The following INO80C variants were observed in gnomAD, a reference collection of about 807,000 sequenced individuals.
INO80C encodes INO80 complex subunit C, also known as IES6 homolog.
A neutral mutation model predicts 17.7 loss-of-function variants in INO80C; 17 were observed. That is an observed-to-expected ratio of 0.96 (90% CI 0.66 to 1.44). INO80C has a LOEUF of 1.44. Among genes scored for constraint, INO80C ranks in the 40% most tolerant of loss-of-function variants. INO80C has a pLI of 0.00. For synonymous variants in INO80C, 96 were observed against 95.8 expected (o/e 1.00, Z -0.01); for missense variants, 244 against 245.0 (o/e 1.00, Z 0.03).
intron 1 of INO80C, among the ~76,000 whole-genome samples, chr18:35,486,121 GA>G (rs2045871580): frequency 6.6e-6 from 1 of 152,052 alleles, no homozygotes; most frequent in Non-Finnish European, 1.5e-5. Flanking sequence ...GTCTCTAAAA[GA>G]AATAAAAAAT....
intron 1 of INO80C, chr18:35,489,317 AT>A: frequency 3.7e-6 from 1 of 270,906 alleles, no homozygotes; most frequent in South Asian, 3.5e-5. Context: ...AGAAAAAGAG[AT>A]TTAATGGACT....
chr18:35,491,242 T>C (rs2144085132), intron 1 of INO80C, among the ~76,000 whole-genome samples: 1 of 152,270 alleles, frequency 6.6e-6, no homozygotes, highest in East Asian at 1.9e-4. Context: ...CTCGTTAGAT[T>C]CAGGCAGACA....
chr18:35,497,833 G>C lies in INO80C; in HGVS notation c.42C>G (p.Pro14=). 1 of 1,602,676 alleles carries C rather than the reference G, an allele frequency of 6.2e-7. No individual in the cohort carries two copies. Among genetic ancestry groups the C allele is most frequent in the Non-Finnish European group, 8.5e-7 (1 of 1,173,516 alleles). The part of the protein sequence containing the change: ...QIPIVATTST[P]GIVRNSKKRP... Reference sequence around the variant, plus strand: ...TCTTCTTGCTGTTCCGGACTATTCCGGGAGTGGAAGTGGTGGCCACAATTG... The same window carrying C: ...TCTTCTTGCTGTTCCGGACTATTCCCGGAGTGGAAGTGGTGGCCACAATTG... The change falls in exon 1 of 5, where the codon CCC becomes CCG. Residue 14 remains proline (P), a synonymous_variant. Transcript: ENST00000334598.
chr18:35,481,776 C>T (rs1189216791), intron 1 of INO80C, among the ~76,000 whole-genome samples: 1 of 152,058 alleles, frequency 6.6e-6, no homozygotes, highest in Non-Finnish European at 1.5e-5. Context: ...CCCAGCTACT[C>T]GGGAGGCTGA....
intron 4 of INO80C, among the ~76,000 whole-genome samples, chr18:35,471,232 A>G (rs556048735): frequency 1.4e-4 from 21 of 152,366 alleles, no homozygotes; most frequent in African/African-American, 4.8e-4. Context: ...AGATAAGACT[A>G]AAGTCCTCAT....
At chr18:35,470,308 A>G (rs1032922793) in intron 4 of INO80C, among the ~76,000 whole-genome samples, 1 of 152,174 alleles carries the variant, frequency 6.6e-6, no homozygotes, top group Non-Finnish European at 1.5e-5. Flanking sequence ...GTGTGTTAGG[A>G]AATGGGATTA....
At chr18:35,472,810 C>G (rs1381212864) in intron 4 of INO80C, among the ~76,000 whole-genome samples, 17 of 152,190 alleles carry the variant, frequency 1.1e-4, no homozygotes, top group Admixed American at 1.1e-3. Context: ...AGTCTTTCTC[C>G]TAATTACTAG....
intron 4 of INO80C, among the ~76,000 whole-genome samples, chr18:35,475,137 C>T (rs2045720101): frequency 6.8e-6 from 1 of 146,472 alleles, no homozygotes; most frequent in African/African-American, 2.5e-5. Flanking sequence ...ATTCAATACC[C>T]AGTCATATTC....
chr18:35,468,505 G>A lies in INO80C; in HGVS notation c.*106C>T. 2.5e-6 allele frequency: 4 copies of A among 1,574,428 alleles called. No individual in the cohort carries two copies. Among genetic ancestry groups the A allele is most frequent in the Non-Finnish European group, 3.4e-6 (4 of 1,159,952 alleles). On this transcript the variant is annotated 3_prime_UTR_variant, in exon 5 of 5. Coordinates refer to ENST00000334598, the MANE Select transcript of INO80C (RefSeq NM_194281.4). ...AACATTCTTTCCAAGGCACAGCACTGGCATTTTCAGATTGACAGCAGAACG... is the reference window on the plus strand; with the variant it reads ...AACATTCTTTCCAAGGCACAGCACTAGCATTTTCAGATTGACAGCAGAACG...
intron 1 of INO80C, among the ~76,000 whole-genome samples, chr18:35,490,502 C>T (rs746898846): frequency 1.3e-5 from 2 of 152,266 alleles, no homozygotes; most frequent in African/African-American, 2.4e-5. Flanking sequence ...TCAACTTTAT[C>T]GTTTGAGTTT....
chr18:35,478,382 T>C (rs769644197), intron 3 of INO80C, 33 bp from the exon 4 acceptor site: 56 of 1,417,678 alleles, frequency 4.0e-5, no homozygotes, highest in Non-Finnish European at 5.0e-5. Flanking sequence ...ATAACTAAAC[T>C]GAACTGAAAA....
chr18:35,486,219 T>C (rs571019774), intron 1 of INO80C, among the ~76,000 whole-genome samples: 2 of 152,316 alleles, frequency 1.3e-5, no homozygotes, highest in South Asian at 4.1e-4. Context: ...CTGTCACGGA[T>C]AAATCTTGAA....
Position 35,480,458 on chromosome 18 carries a change from A to C in INO80C, c.262T>G (p.Phe88Val). ...CTAATACCTTCGATGCTTACCACAA[A>C]GTTGGGATCCTTAAATGGCAAAGGT... The part of the protein sequence containing the change: ...AKPLPFKDPN[F>V]VHSGHGGAVA... Residue 88 changes from phenylalanine (F) to valine (V), a missense_variant, in exon 2 of 5, where the codon TTT becomes GTT. Physicochemically the swap from Phe to Val is conservative, Grantham distance 50 (BLOSUM62 -1). Transcript: ENST00000334598. 3 of 1,607,024 alleles carry C rather than the reference A, an allele frequency of 1.9e-6. No homozygotes were observed. Among genetic ancestry groups the C allele is most frequent in the Non-Finnish European group, 2.6e-6 (3 of 1,173,448 alleles).
intron 1 of INO80C, 87 bp downstream of exon 1, chr18:35,497,632 A>G (rs2045998435): frequency 4.0e-6 from 6 of 1,507,278 alleles, no homozygotes; most frequent in Middle Eastern, 2.5e-4. Context: ...GCAGCGCCCC[A>G]CATTACGCAC....
intron 1 of INO80C, chr18:35,497,456 G>A (rs1415059824): frequency 2.0e-5 from 25 of 1,261,552 alleles, no homozygotes; most frequent in Non-Finnish European, 2.3e-5. Flanking sequence ...CGACCTCGAG[G>A]GGAAGAGGCA....
At chr18:35,478,239 A>C (rs116727538) in intron 4 of INO80C, 43 bp downstream of exon 4, 14 of 1,395,170 alleles carry the variant, frequency 1.0e-5, no homozygotes, top group African/African-American at 2.9e-5. Flanking sequence ...ATTACTGTGA[A>C]ATCTTTTCCA....
intron 2 of INO80C, among the ~76,000 whole-genome samples, chr18:35,479,673 C>T (rs760093789): frequency 1.1e-4 from 16 of 151,054 alleles, no homozygotes; most frequent in Non-Finnish European, 2.1e-4. Flanking sequence ...TTTATATGCA[C>T]GTAAAAAAAA....
chr18:35,479,676 A>T (rs1236327433), intron 2 of INO80C, among the ~76,000 whole-genome samples: 3 of 146,866 alleles, frequency 2.0e-5, no homozygotes, highest in Admixed American at 1.4e-4. Flanking sequence ...ATATGCACGT[A>T]AAAAAAAAAG....
At chr18:35,474,201 G>GTCTA (rs2045703708) in intron 4 of INO80C, among the ~76,000 whole-genome samples, 2 of 77,142 alleles carry the variant, frequency 2.6e-5, no homozygotes, top group African/African-American at 1.0e-4. Context: ...ATATGTGTGT[G>GTCTA]TGTGTCTATA....
Sources: gnomAD v4.1 joint callset for allele counts (sites outside exome capture counted in the v4.1 genomes callset) on GRCh38, gnomAD v4.1.1 for gene constraint, MANE v1.5 for transcripts, NCBI Gene and HGNC (gene_info 2026-07-23, HGNC 2026-07-21) for gene names.